TRAPPC12: variants seen among roughly 807,000 people sequenced by gnomAD.
TRAPPC12 encodes trafficking protein particle complex subunit 12, also known as TPR repeat protein 15.
Under a neutral mutation model 69.2 loss-of-function variants are expected in TRAPPC12, and 61 were observed. The observed-to-expected ratio is 0.88, with a 90% CI of 0.72 to 1.09. The LOEUF (loss-of-function observed/expected upper bound fraction) is 1.09, where lower values mean the gene tolerates loss of function less well. TRAPPC12 is among the 50% of genes least tolerant of loss of function. The pLI is 0.00. For synonymous variants in TRAPPC12, 469 were observed against 438.9 expected (o/e 1.07, Z -0.86); for missense variants, 1,101 against 1,016.4 (o/e 1.08, Z -1.13).
At chr2:3,453,121 C>T (rs11691665) in intron 6 of TRAPPC12, among the ~76,000 whole-genome samples, 3,566 of 152,276 alleles carry the variant, frequency 0.023, 132 homozygotes, top group African/African-American at 0.082. Flanking sequence ...GCGTGAAGGG[C>T]CCCTGCAAAT....
At position 3,421,950 on chromosome 2, in the gene TRAPPC12, G is replaced by T; in HGVS notation, c.1234G>T (p.Gly412Cys). The change falls in exon 4 of 12, where the codon GGC becomes TGC. Residue 412 changes from glycine (G) to cysteine (C), a missense_variant. By Grantham distance (159) the Gly-to-Cys change is radical. Coordinates refer to ENST00000324266, the MANE Select transcript of TRAPPC12 (RefSeq NM_016030.6). ...CCTCACAGCCCACGGCCAGGGCTAC[G>T]GCAAGAGCGGGCTGCTCACCAGCCA... ...RLLTAHGQGY[G>C]KSGLLTSHTT... The T allele has an allele frequency of 6.2e-7, 1 of 1,613,614 alleles. No individual in the cohort carries two copies. The highest frequency in any genetic ancestry group is 8.5e-7 in the Non-Finnish European group (1 of 1,179,944).
At chr2:3,395,194 G>A (rs955871164) in intron 2 of TRAPPC12, among the ~76,000 whole-genome samples, 9 of 152,052 alleles carry the variant, frequency 5.9e-5, no homozygotes, top group Non-Finnish European at 1.0e-4. Context: ...AACTTTTTTC[G>A]ATTTTTGCAT....
intron 3 of TRAPPC12, among the ~76,000 whole-genome samples, chr2:3,417,694 G>T (rs921858639): frequency 6.6e-6 from 1 of 152,088 alleles, no homozygotes; most frequent in Admixed American, 6.6e-5. Context: ...TTTACTCATC[G>T]AACTTCTTTG....
Position 3,457,804 on chromosome 2 carries a change from C to T in TRAPPC12, c.1603+111C>T, listed in dbSNP as rs1472635328. 2.7e-6 allele frequency: 4 copies of T among 1,497,464 alleles called. No homozygotes were observed. The African/African-American group carries it at 4.1e-5, about 16-fold the overall frequency. 92.8% of individuals were successfully genotyped at this position (1,497,464 alleles called of 1,614,324 possible). Reference sequence around the variant, plus strand: ...CCTTTCCTTTCTGTAGTCAGCACTGCACGTGTCCACTCGTGCATTTGCAAC... The same window carrying T: ...CCTTTCCTTTCTGTAGTCAGCACTGTACGTGTCCACTCGTGCATTTGCAAC... On this transcript the variant is annotated intron_variant, in intron 7 of 11. Transcript: ENST00000324266.
chr2:3,415,239 C>A (rs1295638006), intron 3 of TRAPPC12, among the ~76,000 whole-genome samples: 2 of 152,182 alleles, frequency 1.3e-5, no homozygotes, highest in Non-Finnish European at 2.9e-5. Context: ...TTCTCACTCG[C>A]GGTGAATTCA....
At chr2:3,398,599 C>A (rs1406963098) in intron 2 of TRAPPC12, among the ~76,000 whole-genome samples, 1 of 152,186 alleles carries the variant, frequency 6.6e-6, no homozygotes, top group Non-Finnish European at 1.5e-5. Flanking sequence ...GACAGTAAGG[C>A]CCATACGCTT....
At chr2:3,467,744 C>G (rs1043906418) in intron 9 of TRAPPC12, 13 of 152,374 alleles carry the variant, frequency 8.5e-5, no homozygotes, top group Non-Finnish European at 1.6e-4. Flanking sequence ...CCCGAGCACA[C>G]AGCAGACCCC....
At chr2:3,387,589 T>C (rs1254796048) in intron 1 of TRAPPC12, 31 bp from the exon 2 acceptor site, 6 of 1,480,760 alleles carry the variant, frequency 4.1e-6, no homozygotes, top group East Asian at 2.5e-5. Flanking sequence ...AAGATCACGC[T>C]CAGGGGCCTT....
chr2:3,407,662 C>A (rs904610309), intron 3 of TRAPPC12, among the ~76,000 whole-genome samples: 1 of 151,842 alleles, frequency 6.6e-6, no homozygotes, highest in Non-Finnish European at 1.5e-5. Flanking sequence ...ATTAGCCGGG[C>A]GTGGTGGCGG....
chr2:3,395,070 A>G (rs1661045733), intron 2 of TRAPPC12, among the ~76,000 whole-genome samples: 1 of 152,240 alleles, frequency 6.6e-6, no homozygotes, highest in Non-Finnish European at 1.5e-5. Context: ...GGCTTACGAT[A>G]AATGTGCATT....
intron 9 of TRAPPC12, among the ~76,000 whole-genome samples, chr2:3,475,942 C>A (rs550646015): frequency 6.6e-6 from 1 of 152,318 alleles, no homozygotes; most frequent in South Asian, 2.1e-4. Context: ...GGGCTGTAAT[C>A]ATCTTCAGTT....
intron 6 of TRAPPC12, among the ~76,000 whole-genome samples, chr2:3,452,600 T>C (rs1489859115): frequency 6.6e-6 from 1 of 152,148 alleles, no homozygotes; most frequent in African/African-American, 2.4e-5. Flanking sequence ...GGATGCGGCT[T>C]GTACTGGGAG....
In TRAPPC12 at chr2:3,441,946, A is replaced by G. The variant is rs138250990; in HGVS notation, c.1418-1833A>G. Reference sequence around the variant, plus strand: ...TGCTTTTACATCCAGAAGCACCCCCATGTCCATGGGCAGTTGTCAGGATAA... The same window carrying G: ...TGCTTTTACATCCAGAAGCACCCCCGTGTCCATGGGCAGTTGTCAGGATAA... On this transcript the variant is annotated intron_variant, in intron 5 of 11. Transcript: ENST00000324266. 1.9e-3 allele frequency among the ~76,000 whole-genome samples: 292 copies of G among 152,270 alleles called. 2 individuals are homozygous for G. The highest frequency in any genetic ancestry group is 6.8e-3 in the African/African-American group (284 of 41,554).
Position 3,421,921 on chromosome 2 carries a change from G to A in TRAPPC12, c.1205G>A (p.Arg402His), listed in dbSNP as rs779570131. The change falls in exon 4 of 12, where the codon CGT (arginine) becomes CAT (histidine). Residue 402 changes from arginine to histidine, a missense_variant. By Grantham distance (29) the Arg-to-His change is conservative. Coordinates refer to ENST00000324266, the MANE Select transcript of TRAPPC12 (RefSeq NM_016030.6). ...AGGGCAGCAGTGGACCTGTGCGGAC[G>A]TCTCCTCACAGCCCACGGCCAGGGC... ...NWRAAVDLCG[R>H]LLTAHGQGYG... 1.3e-5 allele frequency: 21 copies of A among 1,613,790 alleles called. No homozygotes were observed. Among genetic ancestry groups the A allele is most frequent in the Middle Eastern group, 1.6e-4 (1 of 6,080 alleles).
At chr2:3,397,822 G>A (rs1661216956) in intron 2 of TRAPPC12, among the ~76,000 whole-genome samples, 1 of 152,170 alleles carries the variant, frequency 6.6e-6, no homozygotes, top group Non-Finnish European at 1.5e-5. Context: ...TGTTGGGAAA[G>A]CATATTTGAG....
intron 11 of TRAPPC12, 74 bp from the exon 12 acceptor site, chr2:3,479,145 C>T (rs1479566676): frequency 6.4e-7 from 1 of 1,570,384 alleles, no homozygotes; most frequent in East Asian, 2.2e-5. Context: ...TAACACGGCC[C>T]AGCACGCAGC....
intron 5 of TRAPPC12, among the ~76,000 whole-genome samples, chr2:3,425,660 C>T (rs1244335399): frequency 6.6e-6 from 1 of 152,192 alleles, no homozygotes; most frequent in Non-Finnish European, 1.5e-5. Context: ...CCGCATTTTG[C>T]AGGCTCGATT....
At chr2:3,454,992 C>T (rs1665063084) in intron 6 of TRAPPC12, 1 of 152,334 alleles carries the variant, frequency 6.6e-6, no homozygotes, top group African/African-American at 2.4e-5. Context: ...GTGAGGAGGT[C>T]ACCCAGGCCC....
chr2:3,449,030 C>G (rs945784006), intron 6 of TRAPPC12, among the ~76,000 whole-genome samples: 2 of 152,216 alleles, frequency 1.3e-5, no homozygotes, highest in African/African-American at 4.8e-5. Flanking sequence ...TTCGTTTTAT[C>G]TGTTGTCTTT....
Sources: gnomAD v4.1 joint callset for allele counts (sites outside exome capture counted in the v4.1 genomes callset) on GRCh38, gnomAD v4.1.1 for gene constraint, MANE v1.5 for transcripts, NCBI Gene and HGNC (gene_info 2026-07-23, HGNC 2026-07-21) for gene names.